MATN2: variants seen among roughly 807,000 people sequenced by gnomAD.
MATN2 encodes matrilin 2.
Under a neutral mutation model 103.2 loss-of-function variants are expected in MATN2, and 69 were observed. The ratio of observed to expected loss-of-function variants is 0.67; its 90% confidence interval spans 0.55 to 0.82. The LOEUF is 0.82. Ranked by LOEUF, MATN2 falls within the 40% of genes least tolerant of loss-of-function variation. The pLI is 0.00. For synonymous variants in MATN2, 429 were observed against 450.2 expected (o/e 0.95, Z 0.60); for missense variants, 1,023 against 1,211.5 (o/e 0.84, Z 2.31).
At chr8:98,001,718 T>C (rs1177731715) in intron 7 of MATN2, among the ~76,000 whole-genome samples, 1 of 152,162 alleles carries the variant, frequency 6.6e-6, no homozygotes, top group Non-Finnish European at 1.5e-5. Context: ...CCTCAAGTGA[T>C]CTGCCCACCT....
intron 3 of MATN2, among the ~76,000 whole-genome samples, chr8:97,941,079 T>A (rs1810539054): frequency 1.4e-5 from 2 of 147,794 alleles, no homozygotes; most frequent in African/African-American, 5.0e-5. Flanking sequence ...GGAGGATGGC[T>A]TTAGCCCAGG....
intron 2 of MATN2, among the ~76,000 whole-genome samples, chr8:97,902,208 G>C (rs1819007552): frequency 6.7e-6 from 1 of 150,180 alleles, no homozygotes; most frequent in East Asian, 2.0e-4. Context: ...AAAGTACACA[G>C]TGTTAGGCCG....
At chr8:98,013,574 A>C (rs1217449899) in intron 10 of MATN2, among the ~76,000 whole-genome samples, 2 of 152,228 alleles carry the variant, frequency 1.3e-5, no homozygotes, top group African/African-American at 4.8e-5. Flanking sequence ...GAAATCATCT[A>C]TGGGGCTAGG....
intron 4 of MATN2, among the ~76,000 whole-genome samples, chr8:97,955,920 T>C (rs1433432200): frequency 1.3e-5 from 2 of 152,194 alleles, no homozygotes; most frequent in Non-Finnish European, 2.9e-5. Flanking sequence ...TTTTCTGGTG[T>C]CCATAGCTGG....
intron 7 of MATN2, among the ~76,000 whole-genome samples, chr8:98,002,387 G>T (rs1479263034): frequency 6.6e-6 from 1 of 152,186 alleles, no homozygotes; most frequent in Admixed American, 6.5e-5. Context: ...TCATGAAACT[G>T]CCAACCCCTG....
intron 13 of MATN2, among the ~76,000 whole-genome samples, chr8:98,022,703 T>C (rs755330455): frequency 6.9e-6 from 1 of 143,920 alleles, no homozygotes; most frequent in South Asian, 2.3e-4. Context: ...CCAGGGAAGC[T>C]GCATGCCTAA....
At chr8:98,030,425 T>TCTAA in intron 14 of MATN2, 37 bp from the exon 15 acceptor site, 1 of 1,587,120 alleles carries the variant, frequency 6.3e-7, no homozygotes. Flanking sequence ...GGAACACAAC[T>TCTAA]CTAACTAACT....
chr8:98,030,575 G>A lies in MATN2; in HGVS notation c.2470G>A (p.Asp824Asn). 1 of 1,613,944 alleles carries A rather than the reference G, an allele frequency of 6.2e-7. No homozygotes were observed. Among genetic ancestry groups the A allele is most frequent in the East Asian group, 2.2e-5 (1 of 44,880 alleles). Residue 824 changes from aspartate (D) to asparagine (N), a missense_variant, in exon 15 of 19, where the codon GAT becomes AAT. Physicochemically the swap from Asp to Asn is conservative, Grantham distance 23. Coordinates refer to ENST00000254898, the MANE Select transcript of MATN2 (RefSeq NM_002380.5). ...CTATGCCGAAGACTTCAGCACAATG[G>A]ATGAGATAAGTGAAAAACTCAAGAA... is the stretch of plus-strand genomic sequence containing the variant. ...LFYAEDFSTM[D>N]EISEKLKKGI...
intron 6 of MATN2, among the ~76,000 whole-genome samples, chr8:97,979,985 T>C (rs536785519): frequency 6.6e-6 from 1 of 152,340 alleles, no homozygotes; most frequent in South Asian, 2.1e-4. Flanking sequence ...TTGGGTGATG[T>C]ATGGAACTAT....
intron 4 of MATN2, among the ~76,000 whole-genome samples, chr8:97,944,181 C>T (rs993427265): frequency 2.6e-5 from 4 of 152,162 alleles, no homozygotes; most frequent in Admixed American, 6.5e-5. Context: ...AAGAATGAGC[C>T]AGGAAACTGA....
intron 5 of MATN2, among the ~76,000 whole-genome samples, chr8:97,965,735 C>G (rs1586100245): frequency 6.6e-6 from 1 of 152,270 alleles, no homozygotes; most frequent in South Asian, 2.1e-4. Context: ...AATCCCAGCA[C>G]TTTGGGAGGC....
At chr8:98,028,793 T>C (rs2130449773) in intron 14 of MATN2, among the ~76,000 whole-genome samples, 1 of 152,266 alleles carries the variant, frequency 6.6e-6, no homozygotes, top group African/African-American at 2.4e-5. Context: ...TTCACCGTGT[T>C]AGCCAGGATG....
chr8:97,950,566 C>T (rs930610066), intron 4 of MATN2, among the ~76,000 whole-genome samples: 5 of 152,098 alleles, frequency 3.3e-5, no homozygotes, highest in Non-Finnish European at 7.4e-5. Flanking sequence ...AAGAAACATT[C>T]AGATCTTGGC....
At chr8:97,950,842 A>C (rs1810924141) in intron 4 of MATN2, 1 of 152,334 alleles carries the variant, frequency 6.6e-6, no homozygotes, top group Admixed American at 6.5e-5. Flanking sequence ...GAGCCCACAC[A>C]CGTGGTTGGA....
Position 97,978,898 on chromosome 8 carries a change from G to A in MATN2, c.971G>A (p.Cys324Tyr). The A allele has an allele frequency of 6.2e-7, 1 of 1,613,784 alleles. No individual in the cohort carries two copies. Among genetic ancestry groups the A allele is most frequent in the South Asian group, 1.1e-5 (1 of 91,080 alleles). Reference sequence around the variant, plus strand: ...TTATTCTCTCCAGCTGTGGACTACTGTGCCTCAGAAAACCACGGATGTGAA... The same window carrying A: ...TTATTCTCTCCAGCTGTGGACTACTATGCCTCAGAAAACCACGGATGTGAA... ...DGKRCVAVDY[C>Y]ASENHGCEHE... is the part of the protein sequence containing the mutation. The change falls in exon 6 of 19, where the codon TGT becomes TAT. Residue 324 changes from cysteine to tyrosine, a missense_variant. Transcript: ENST00000254898.
At chr8:97,883,428 C>T (rs1818317498) in intron 1 of MATN2, among the ~76,000 whole-genome samples, 1 of 152,152 alleles carries the variant, frequency 6.6e-6, no homozygotes, top group Admixed American at 6.5e-5. Context: ...CATTCTGTTA[C>T]CCAGGCTGGA....
At chr8:97,945,720 AT>A (rs1343166886) in intron 4 of MATN2, among the ~76,000 whole-genome samples, 3 of 109,512 alleles carry the variant, frequency 2.7e-5, no homozygotes, top group African/African-American at 1.0e-4. Context: ...AAAAAAAAAT[AT>A]ATATATATAT....
At chr8:98,003,825 T>C in intron 8 of MATN2, 42 bp downstream of exon 8, 1 of 1,609,898 alleles carries the variant, frequency 6.2e-7, no homozygotes, top group South Asian at 1.1e-5. Flanking sequence ...GAAGGTGGGG[T>C]CCACTCATGG....
intron 4 of MATN2, among the ~76,000 whole-genome samples, chr8:97,954,354 C>T (rs1586086395): frequency 6.6e-6 from 1 of 152,334 alleles, no homozygotes; most frequent in East Asian, 1.9e-4. Context: ...ACTCCCCTTT[C>T]CTGCTTATAA....
Sources: allele counts gnomAD v4.1 joint callset (sites outside exome capture counted in the v4.1 genomes callset), GRCh38; gene constraint gnomAD v4.1.1; transcripts MANE v1.5; gene names NCBI Gene and HGNC (gene_info 2026-07-23, HGNC 2026-07-21).